Variants in HTR7 observed in about 807,000 individuals in gnomAD.
The protein encoded by HTR7 is 5-HT-7.
A neutral mutation model predicts 34.0 loss-of-function variants in HTR7; 16 were observed. That is an observed-to-expected ratio of 0.47 (90% confidence interval 0.32 to 0.71). The LOEUF (loss-of-function observed/expected upper bound fraction) is 0.71. HTR7 is among the 30% of genes least tolerant of loss of function. HTR7 has a pLI of 0.04. For synonymous variants in HTR7, 265 were observed against 260.2 expected (o/e 1.02, Z -0.18); for missense variants, 504 against 625.5 (o/e 0.81, Z 2.07).
intron 1 of HTR7, among the ~76,000 whole-genome samples, chr10:90,822,390 A>T (rs1344618881): frequency 6.6e-6 from 1 of 152,230 alleles, no homozygotes; most frequent in Admixed American, 6.5e-5. Flanking sequence ...TTTGAGCTTG[A>T]GAAAGATGAT....
intron 1 of HTR7, among the ~76,000 whole-genome samples, chr10:90,852,075 T>C (rs1037971744): frequency 2.0e-5 from 3 of 151,858 alleles, no homozygotes; most frequent in African/African-American, 7.3e-5. Context: ...AAAATAATGC[T>C]GGGCCGGGCA....
At chr10:90,797,283 G>A (rs367919024) in intron 1 of HTR7, among the ~76,000 whole-genome samples, 10 of 152,078 alleles carry the variant, frequency 6.6e-5, no homozygotes, top group Admixed American at 3.9e-4. Context: ...ACATTTTACG[G>A]AGAAGGAAAC....
intron 1 of HTR7, among the ~76,000 whole-genome samples, chr10:90,823,059 C>CTCCATGAGG (rs1452895439): frequency 6.6e-6 from 1 of 152,230 alleles, no homozygotes; most frequent in Non-Finnish European, 1.5e-5. Context: ...TGGAGAACCC[C>CTCCATGAGG]TTCTAGGGCA....
chr10:90,851,583 C>T (rs1292887928), intron 1 of HTR7, among the ~76,000 whole-genome samples: 8 of 120,034 alleles, frequency 6.7e-5, no homozygotes, highest in East Asian at 2.6e-4. Context: ...CCAGCCTGGG[C>T]GACAGAGTGA....
intron 1 of HTR7, among the ~76,000 whole-genome samples, chr10:90,844,883 AG>A (rs746139901): frequency 2.6e-4 from 39 of 151,884 alleles, no homozygotes; most frequent in Non-Finnish European, 4.1e-4. Flanking sequence ...AAGAATCTCT[AG>A]GGGGTCTCCC....
intron 1 of HTR7, among the ~76,000 whole-genome samples, chr10:90,820,660 A>C (rs578176999): frequency 6.6e-6 from 1 of 152,330 alleles, no homozygotes; most frequent in Non-Finnish European, 1.5e-5. Flanking sequence ...CTGTCCATTG[A>C]AAGGACAATT....
intron 1 of HTR7, among the ~76,000 whole-genome samples, chr10:90,791,292 G>A (rs1845455838): frequency 6.6e-6 from 1 of 151,982 alleles, no homozygotes; most frequent in Non-Finnish European, 1.5e-5. Flanking sequence ...CAAAGTGTAT[G>A]TGTGTATGTA....
At chr10:90,780,262 G>A (rs751073248) in intron 1 of HTR7, among the ~76,000 whole-genome samples, 7 of 152,118 alleles carry the variant, frequency 4.6e-5, no homozygotes, top group East Asian at 1.9e-4. Flanking sequence ...TCGGCCGGGC[G>A]CGGTGGCTCA....
At chr10:90,851,875 G>A (rs547998325) in intron 1 of HTR7, among the ~76,000 whole-genome samples, 56 of 152,252 alleles carry the variant, frequency 3.7e-4, no homozygotes, top group African/African-American at 1.2e-3. Context: ...GGGAGTTCCC[G>A]TGCACAAGCT....
intron 1 of HTR7, among the ~76,000 whole-genome samples, chr10:90,797,658 T>A (rs1452180761): frequency 2.6e-5 from 4 of 152,214 alleles, no homozygotes; most frequent in African/African-American, 4.8e-5. Flanking sequence ...ATGGACTATG[T>A]GATCTTGAGT....
intron 1 of HTR7, among the ~76,000 whole-genome samples, chr10:90,761,280 C>T (rs1844929963): frequency 6.6e-6 from 1 of 152,102 alleles, no homozygotes; most frequent in African/African-American, 2.4e-5. Context: ...TGAGCACAGA[C>T]AGTTTTCAAA....
chr10:90,798,524 G>A (rs1845575270), intron 1 of HTR7, among the ~76,000 whole-genome samples: 1 of 152,102 alleles, frequency 6.6e-6, no homozygotes. Flanking sequence ...AGGCCAACCT[G>A]GGCAACATAC....
chr10:90,750,800 C>G (rs74545603), intron 1 of HTR7, among the ~76,000 whole-genome samples: 3,641 of 152,278 alleles, frequency 0.024, 67 homozygotes, highest in Non-Finnish European at 0.031. Context: ...ATTAGCATCA[C>G]TATAACACTT....
intron 1 of HTR7, among the ~76,000 whole-genome samples, chr10:90,829,415 G>A (rs1216638747): frequency 6.6e-6 from 1 of 151,828 alleles, no homozygotes; most frequent in Non-Finnish European, 1.5e-5. Flanking sequence ...TGGGATACAT[G>A]TGAAAAACAT....
chr10:90,839,876 G>A (rs1455201762), intron 1 of HTR7, among the ~76,000 whole-genome samples: 1 of 152,000 alleles, frequency 6.6e-6, no homozygotes, highest in African/African-American at 2.4e-5. Flanking sequence ...TATCACACAG[G>A]AATTGACTGT....
At chr10:90,815,342 T>G in intron 1 of HTR7, among the ~76,000 whole-genome samples, 1 of 152,182 alleles carries the variant, frequency 6.6e-6, no homozygotes. Flanking sequence ...TCCACCTGCC[T>G]CAGCCTCCCA....
rs188849887 is a variant in HTR7 at position 90,776,260 on chromosome 10, T to C, written c.540-26666A>G. 5.3e-5 allele frequency among the ~76,000 whole-genome samples: 8 copies of C among 152,346 alleles called. No homozygotes were observed. In the East Asian group the frequency reaches 1.2e-3, roughly 22 times the overall value. ...GTTGACTACTTAAATTCGTAAATAC[T>C]TTAATCATGAAAGGTCTGGCTAATT... On this transcript the variant is annotated intron_variant, in intron 1 of 3. Coordinates refer to ENST00000336152, the MANE Select transcript of HTR7 (RefSeq NM_019859.4).
intron 2 of HTR7, among the ~76,000 whole-genome samples, chr10:90,744,472 C>T (rs978001052): frequency 1.3e-5 from 2 of 151,198 alleles, no homozygotes; most frequent in African/African-American, 2.4e-5. Flanking sequence ...TTTGATGACT[C>T]CATTCCCCTA....
chr10:90,832,008 AACCT>A (rs1422707689), intron 1 of HTR7, among the ~76,000 whole-genome samples: 2 of 152,198 alleles, frequency 1.3e-5, no homozygotes, highest in Non-Finnish European at 2.9e-5. Flanking sequence ...TGTGTTTACA[AACCT>A]TGAGCTAGAT....
Sources: gnomAD v4.1 joint callset for allele counts (sites outside exome capture counted in the v4.1 genomes callset) on GRCh38, gnomAD v4.1.1 for gene constraint, MANE v1.5 for transcripts, NCBI Gene and HGNC (gene_info 2026-07-23, HGNC 2026-07-21) for gene names.